PPARGC1A: variants seen among roughly 807,000 people sequenced by gnomAD.
The protein encoded by PPARGC1A is PPARG coactivator 1 alpha.
In PPARGC1A, 25 loss-of-function variants were observed where a neutral mutation model predicts 88.7. The ratio of observed to expected loss-of-function variants is 0.28; its 90% CI spans 0.21 to 0.39. PPARGC1A has a LOEUF of 0.39. PPARGC1A is among the 10% of genes least tolerant of loss of function. The probability of loss-of-function intolerance (pLI) is 1.00; values close to 1 mark genes in which losing one functional copy is unlikely to be tolerated. For missense variants in PPARGC1A, 880 were observed against 968.7 expected, an observed-to-expected ratio of 0.91 and a Z score of 1.22; for synonymous variants, 363 against 355.6, an observed-to-expected ratio of 1.02 and a Z score of -0.24.
chr4:23,806,387 T>C (rs941306011), intron 10 of PPARGC1A, among the ~76,000 whole-genome samples: 3 of 152,206 alleles, frequency 2.0e-5, no homozygotes, highest in Non-Finnish European at 4.4e-5. Flanking sequence ...TTCATATCTT[T>C]AAAAAAGCTT....
the PPARGC1A span, among the ~76,000 whole-genome samples, chr4:24,272,063 G>A: frequency 1.3e-5 from 2 of 152,056 alleles, no homozygotes; most frequent in Admixed American, 6.6e-5. Context: ...TCTTCAAAAC[G>A]CATTGGGTTT....
At chr4:24,312,571 T>G in the PPARGC1A span, among the ~76,000 whole-genome samples, 1 of 146,252 alleles carries the variant, frequency 6.8e-6, no homozygotes, top group South Asian at 2.2e-4. Context: ...CTCTTTGTCT[T>G]AATTCTATGA....
At chr4:24,349,488 G>A in the PPARGC1A span, among the ~76,000 whole-genome samples, 1 of 152,108 alleles carries the variant, frequency 6.6e-6, no homozygotes, top group Non-Finnish European at 1.5e-5. Flanking sequence ...GCTGCTGTGG[G>A]GAATGGGGAT....
chr4:23,895,088 A>AT (rs34476524), intron 1 of PPARGC1A, among the ~76,000 whole-genome samples: 306 of 140,198 alleles, frequency 2.2e-3, no homozygotes, highest in South Asian at 6.6e-3. Context: ...ACTAAGAAGG[A>AT]TTTTTTTTTT....
chr4:24,421,666 C>A, the PPARGC1A span, among the ~76,000 whole-genome samples: 1 of 152,324 alleles, frequency 6.6e-6, no homozygotes, highest in South Asian at 2.1e-4. Context: ...GTCTTCCACG[C>A]AACAGCCCCT....
the PPARGC1A span, among the ~76,000 whole-genome samples, chr4:24,070,720 TG>T: frequency 2.0e-5 from 3 of 152,168 alleles, no homozygotes; most frequent in African/African-American, 7.2e-5. Context: ...TACCTATTTT[TG>T]CATAGTCTGT....
the PPARGC1A span, among the ~76,000 whole-genome samples, chr4:24,153,244 C>T: frequency 2.0e-5 from 3 of 151,966 alleles, no homozygotes; most frequent in South Asian, 2.1e-4. Context: ...ATAGCCTCGT[C>T]GATGAACATT....
the PPARGC1A span, among the ~76,000 whole-genome samples, chr4:24,261,511 C>T: frequency 9.2e-5 from 14 of 152,172 alleles, no homozygotes; most frequent in Non-Finnish European, 1.6e-4. Flanking sequence ...GGCAGACTAC[C>T]TGCTTTATTT....
At chr4:23,834,513 T>G (rs1725669383) in intron 2 of PPARGC1A, among the ~76,000 whole-genome samples, 1 of 151,468 alleles carries the variant, frequency 6.6e-6, no homozygotes. Context: ...ACCAAACCTC[T>G]AGTTTAGGAG....
At chr4:23,836,960 C>T (rs1343726809) in intron 2 of PPARGC1A, among the ~76,000 whole-genome samples, 2 of 152,112 alleles carry the variant, frequency 1.3e-5, no homozygotes, top group African/African-American at 2.4e-5. Context: ...TGCGGTATCC[C>T]AAAGACTTCT....
chr4:23,968,793 T>C, the PPARGC1A span, among the ~76,000 whole-genome samples: 1 of 151,968 alleles, frequency 6.6e-6, no homozygotes, highest in Non-Finnish European at 1.5e-5. Context: ...TGGGTGCCCG[T>C]AGTCTCAGCT....
At chr4:24,163,216 A>G in the PPARGC1A span, among the ~76,000 whole-genome samples, 1 of 148,354 alleles carries the variant, frequency 6.7e-6, no homozygotes, top group Non-Finnish European at 1.5e-5. Flanking sequence ...ATACTAGATA[A>G]AAGATTTGTT....
chr4:24,231,997 G>A, the PPARGC1A span, among the ~76,000 whole-genome samples: 1 of 152,098 alleles, frequency 6.6e-6, no homozygotes, highest in East Asian at 1.9e-4. Flanking sequence ...ACACAAAATG[G>A]TATACACTGT....
the PPARGC1A span, among the ~76,000 whole-genome samples, chr4:24,303,684 GA>G: frequency 6.6e-6 from 1 of 151,896 alleles, no homozygotes; most frequent in East Asian, 1.9e-4. Flanking sequence ...TTTCCAAAGG[GA>G]AAAAATCAAT....
the PPARGC1A span, among the ~76,000 whole-genome samples, chr4:23,984,888 G>A: frequency 6.6e-6 from 1 of 152,072 alleles, no homozygotes; most frequent in Admixed American, 6.6e-5. Flanking sequence ...CAGACAGGAT[G>A]TAGAGAGCAA....
At chr4:24,041,163 G>C in the PPARGC1A span, among the ~76,000 whole-genome samples, 1 of 152,144 alleles carries the variant, frequency 6.6e-6, no homozygotes, top group Non-Finnish European at 1.5e-5. Context: ...CTGGGAGACT[G>C]ACCTTTAAAG....
the PPARGC1A span, among the ~76,000 whole-genome samples, chr4:24,279,228 C>T: frequency 2.0e-5 from 3 of 152,276 alleles, no homozygotes; most frequent in South Asian, 4.1e-4. Context: ...AATGCCTCTC[C>T]GTTTTGCTTT....
chr4:24,396,499 G>A, the PPARGC1A span, among the ~76,000 whole-genome samples: 6 of 152,052 alleles, frequency 3.9e-5, no homozygotes, highest in African/African-American at 1.5e-4. Flanking sequence ...ATGCCACAAC[G>A]TTCACAAAAT....
the PPARGC1A span, among the ~76,000 whole-genome samples, chr4:24,470,802 T>C: frequency 2.0e-4 from 30 of 151,436 alleles, 1 homozygote; most frequent in Admixed American, 1.7e-3. The surrounding 1 kb of genome is among the most constrained non-coding windows in gnomAD (Gnocchi z 5.8). Flanking sequence ...TCTCCAAGGC[T>C]CCGGGCGGCC....
Sources: allele counts gnomAD v4.1 joint callset (sites outside exome capture counted in the v4.1 genomes callset), GRCh38; gene constraint gnomAD v4.1.1; non-coding constraint Gnocchi (gnomAD v3.1); transcripts MANE v1.5; gene names NCBI Gene and HGNC (gene_info 2026-07-23, HGNC 2026-07-21).